Variants in KCTD20 observed in about 807,000 individuals in gnomAD.
KCTD20 encodes BTB/POZ domain-containing protein KCTD20.
Under a neutral mutation model 39.6 loss-of-function variants are expected in KCTD20, and 30 were observed. The ratio of observed to expected loss-of-function variants is 0.76; its 90% CI spans 0.57 to 1.03. The LOEUF (loss-of-function observed/expected upper bound fraction) is 1.03, where lower values mean the gene tolerates loss of function less well. Among genes scored for constraint, KCTD20 ranks in the 50% least tolerant of loss-of-function variants. The probability of loss-of-function intolerance (pLI) is 0.00; values close to 1 mark genes in which losing one functional copy is unlikely to be tolerated. For synonymous variants in KCTD20, 162 were observed against 180.6 expected (o/e 0.90, Z 0.83); for missense variants, 422 against 522.0 (o/e 0.81, Z 1.87).
intron 1 of KCTD20, among the ~76,000 whole-genome samples, chr6:36,459,334 C>A (rs779053106): frequency 2.0e-5 from 3 of 152,142 alleles, no homozygotes; most frequent in Non-Finnish European, 4.4e-5. Flanking sequence ...AAGAAGATAT[C>A]ATTTAGGTAC....
At chr6:36,459,285 TG>T (rs1775533448) in intron 1 of KCTD20, among the ~76,000 whole-genome samples, 1 of 152,148 alleles carries the variant, frequency 6.6e-6, no homozygotes, top group Admixed American at 6.5e-5. Context: ...CACTCCAGCC[TG>T]GGCAACAGAG....
intron 1 of KCTD20, among the ~76,000 whole-genome samples, chr6:36,446,454 T>C (rs904572197): frequency 2.6e-4 from 40 of 152,344 alleles, no homozygotes; most frequent in African/African-American, 8.4e-4. Flanking sequence ...AATATAACTA[T>C]TGTCCTTATC....
chr6:36,481,022 C>A (rs970484473), intron 5 of KCTD20, among the ~76,000 whole-genome samples: 3 of 152,214 alleles, frequency 2.0e-5, no homozygotes, highest in African/African-American at 7.2e-5. Context: ...AAACTCCATG[C>A]TCTTATTACC....
At chr6:36,467,937 T>A (rs192495102) in intron 1 of KCTD20, among the ~76,000 whole-genome samples, 3 of 152,302 alleles carry the variant, frequency 2.0e-5, no homozygotes, top group African/African-American at 4.8e-5. Flanking sequence ...GTGTGTTTTT[T>A]AAAAACTGTA....
chr6:36,473,997 C>G (rs1052147553), intron 2 of KCTD20, among the ~76,000 whole-genome samples: 1 of 152,082 alleles, frequency 6.6e-6, no homozygotes, highest in Non-Finnish European at 1.5e-5. Flanking sequence ...CTGTGAATTT[C>G]TAGGAAAAGT....
At chr6:36,450,534 G>A (rs188242483) in intron 1 of KCTD20, among the ~76,000 whole-genome samples, 74 of 151,598 alleles carry the variant, frequency 4.9e-4, no homozygotes, top group Non-Finnish European at 8.7e-4. Context: ...CTGAATGCTC[G>A]TTTCCTTCAT....
chr6:36,457,511 C>T (rs1401530789), intron 1 of KCTD20, among the ~76,000 whole-genome samples: 1 of 151,996 alleles, frequency 6.6e-6, no homozygotes, highest in Admixed American at 6.6e-5. Flanking sequence ...AGTTAGAGAC[C>T]AGTTTAGGCA....
At chr6:36,443,710 T>G (rs1047521298) in intron 1 of KCTD20, 2 of 152,208 alleles carry the variant, frequency 1.3e-5, no homozygotes, top group African/African-American at 4.8e-5. Context: ...AATAAAACTT[T>G]GCTTTTTATA....
chr6:36,444,589 C>T (rs1043453809), intron 1 of KCTD20, among the ~76,000 whole-genome samples: 6 of 152,166 alleles, frequency 3.9e-5, no homozygotes, highest in Admixed American at 2.0e-4. Context: ...ATATAATTCC[C>T]ATGGCCTTGA....
At chr6:36,486,053 C>T (rs537227411) in intron 7 of KCTD20, among the ~76,000 whole-genome samples, 1 of 152,190 alleles carries the variant, frequency 6.6e-6, no homozygotes, top group South Asian at 2.1e-4. Context: ...CACAGGCATG[C>T]ACCACTATGC....
chr6:36,478,156 G>A (rs1441923284), intron 3 of KCTD20, among the ~76,000 whole-genome samples: 2 of 151,992 alleles, frequency 1.3e-5, no homozygotes, highest in Non-Finnish European at 2.9e-5. Flanking sequence ...GTGAACAGCT[G>A]AACAGGCAAC....
At chr6:36,470,665 G>A (rs1211854912) in intron 2 of KCTD20, among the ~76,000 whole-genome samples, 1 of 151,920 alleles carries the variant, frequency 6.6e-6, no homozygotes, top group Admixed American at 6.6e-5. Flanking sequence ...GCAGTGGCGC[G>A]ATCTTGGCTC....
At chr6:36,472,197 A>G (rs1349852644) in intron 2 of KCTD20, among the ~76,000 whole-genome samples, 1 of 152,190 alleles carries the variant, frequency 6.6e-6, no homozygotes, top group Non-Finnish European at 1.5e-5. Flanking sequence ...GTGAAAGCCT[A>G]TCCTGGTGAT....
At chr6:36,485,370 A>T (rs922155054) in intron 7 of KCTD20, among the ~76,000 whole-genome samples, 2 of 152,082 alleles carry the variant, frequency 1.3e-5, no homozygotes, top group Non-Finnish European at 2.9e-5. Context: ...ATATTAACAG[A>T]ACTACTTTGA....
chr6:36,489,859 A>C lies in KCTD20; in HGVS notation c.*2684A>C, dbSNP rs750926228. On this transcript the variant is annotated 3_prime_UTR_variant, in exon 8 of 8. Transcript: ENST00000373731. ...ATCTGCATCATATCATGCTGTTTTG[A>C]TGAGGAAACATTTGCCACTGAGGAG... 1 of 152,208 alleles carries C rather than the reference A, an allele frequency of 6.6e-6. No homozygotes were observed. Among genetic ancestry groups the C allele is most frequent in the Non-Finnish European group, 1.5e-5 (1 of 68,036 alleles). 9.4% of individuals were successfully genotyped at this position (152,208 alleles called of 1,614,324 possible).
intron 2 of KCTD20, among the ~76,000 whole-genome samples, chr6:36,471,238 CTTT>C (rs1370050982): frequency 6.6e-6 from 1 of 151,942 alleles, no homozygotes; most frequent in African/African-American, 2.4e-5. Context: ...AACTGAAATT[CTTT>C]TTAACTTTTA....
intron 6 of KCTD20, among the ~76,000 whole-genome samples, chr6:36,483,748 G>A (rs1307780497): frequency 2.6e-5 from 4 of 151,836 alleles, no homozygotes; most frequent in African/African-American, 9.7e-5. Context: ...CAAACTCCAG[G>A]CCTCAAGCCA....
intron 1 of KCTD20, among the ~76,000 whole-genome samples, chr6:36,447,221 A>G (rs983255902): frequency 8.5e-5 from 13 of 152,198 alleles, no homozygotes; most frequent in African/African-American, 3.1e-4. Context: ...ATAGACAATA[A>G]TAGTACCTAC....
In KCTD20 at chr6:36,487,038, C is replaced by T. The variant is rs758881022; in HGVS notation, c.1123C>T (p.Leu375Phe). 3 of 1,614,220 alleles carry T rather than the reference C, an allele frequency of 1.9e-6. No individual in the cohort carries two copies. In the South Asian group the frequency reaches 3.3e-5, roughly 18 times the overall value. Residue 375 changes from leucine to phenylalanine, a missense_variant, in exon 8 of 8, where the codon CTC becomes TTC. Transcript: ENST00000373731. ...TTTCCAGTGTGTTCGAAGCAAATCC[C>T]TCACGAATCTGGTAGCTGCTGGAGA... ...VDFQCVRSKS[L>F]TNLVAAGDDV...
Sources: allele counts gnomAD v4.1 joint callset (sites outside exome capture counted in the v4.1 genomes callset), GRCh38; gene constraint gnomAD v4.1.1; transcripts MANE v1.5; gene names NCBI Gene and HGNC (gene_info 2026-07-23, HGNC 2026-07-21).